The following PRRC2B variants were observed in gnomAD, a reference collection of about 807,000 sequenced individuals.
PRRC2B encodes the protein proline rich coiled-coil 2B.
A neutral mutation model predicts 242.3 loss-of-function variants in PRRC2B; 68 were observed. The ratio of observed to expected loss-of-function variants is 0.28; its 90% confidence interval spans 0.23 to 0.34. The LOEUF (loss-of-function observed/expected upper bound fraction) is 0.34. Among genes scored for constraint, PRRC2B ranks in the 10% least tolerant of loss-of-function variants. The pLI is 1.00. For missense variants in PRRC2B, 2,835 were observed against 2,954.8 expected (o/e 0.96, Z 0.94); for synonymous variants, 1,228 against 1,173.6 (o/e 1.05, Z -0.95).
At chr9:131,378,345 G>A (rs1836712520) in intron 1 of PRRC2B, among the ~76,000 whole-genome samples, 1 of 150,518 alleles carries the variant, frequency 6.6e-6, no homozygotes, top group Non-Finnish European at 1.5e-5. Context: ...TGGCAGGCCT[G>A]TGCTCACAAA....
At chr9:131,424,690 AAAG>A (rs1837935029) in intron 1 of PRRC2B, among the ~76,000 whole-genome samples, 1 of 152,120 alleles carries the variant, frequency 6.6e-6, no homozygotes, top group Non-Finnish European at 1.5e-5. Context: ...TGTCTCAAAA[AAAG>A]AAAAGAAAAG....
intron 1 of PRRC2B, among the ~76,000 whole-genome samples, chr9:131,404,055 AC>A (rs1837295742): frequency 6.6e-6 from 1 of 152,102 alleles, no homozygotes; most frequent in Non-Finnish European, 1.5e-5. Flanking sequence ...TGCTAGGATT[AC>A]AGGTGTAAGC....
chr9:131,398,890 A>T (rs570594372), intron 1 of PRRC2B, among the ~76,000 whole-genome samples: 2 of 152,274 alleles, frequency 1.3e-5, no homozygotes, highest in African/African-American at 2.4e-5. Flanking sequence ...AAGCAGGAGG[A>T]TCACTTGAGC....
rs927717052 is a variant in PRRC2B at position 131,481,746 on chromosome 9, G to T, written c.4921G>T (p.Ala1641Ser). Residue 1641 changes from alanine to serine, a missense_variant, in exon 20 of 32, where the codon GCC becomes TCC. Transcript: ENST00000683519. ...SSQALPVQAP[A>S]NDSWRKAVTA... ...GGCAGCTCTCCCTGTGCAGGCCCCA[G>T]CCAACGACTCCTGGAGGAAAGCTGT... is the stretch of plus-strand genomic sequence containing the variant. The T allele has an allele frequency of 3.2e-6, 5 of 1,565,320 alleles. No homozygotes were observed. In the African/African-American group the frequency reaches 6.8e-5, roughly 21 times the overall value.
At chr9:131,467,825 C>A (rs1943439522) in intron 13 of PRRC2B, 72 bp downstream of exon 13, 1 of 1,466,702 alleles carries the variant, frequency 6.8e-7, no homozygotes, top group Non-Finnish European at 9.4e-7. Flanking sequence ...CCCTCCTCGT[C>A]CCCATGCCCC....
chr9:131,420,480 T>TC (rs1837789934), intron 1 of PRRC2B, among the ~76,000 whole-genome samples: 1 of 14,696 alleles, frequency 6.8e-5, no homozygotes, highest in Admixed American at 6.1e-4. Context: ...TTTCTTTCTT[T>TC]CTTTCTTTCT....
intron 5 of PRRC2B, among the ~76,000 whole-genome samples, chr9:131,443,265 C>G (rs1334577057): frequency 6.6e-6 from 1 of 150,900 alleles, no homozygotes; most frequent in Non-Finnish European, 1.5e-5. Context: ...TCCCGAGTAG[C>G]TGGGACTACA....
At chr9:131,376,705 C>A (rs1167307000) in intron 1 of PRRC2B, among the ~76,000 whole-genome samples, 1 of 152,166 alleles carries the variant, frequency 6.6e-6, no homozygotes, top group Non-Finnish European at 1.5e-5. Flanking sequence ...CCACTTGGGA[C>A]TGCTGTGTGG....
chr9:131,426,448 T>C (rs544381517), intron 1 of PRRC2B, among the ~76,000 whole-genome samples: 2 of 152,066 alleles, frequency 1.3e-5, no homozygotes, highest in South Asian at 4.1e-4. Flanking sequence ...AGGATCTCGC[T>C]CTGCCCTCAA....
In PRRC2B at chr9:131,435,922, T is replaced by C. The variant is rs547042774; in HGVS notation, c.294-698T>C. Among the ~76,000 whole-genome samples the C allele has an allele frequency of 2.0e-5, 3 of 152,368 alleles. No individual in the cohort carries two copies. The East Asian group carries it at 5.8e-4, about 29-fold the overall frequency. ...TATTAACAGGTATAGAAAAGTCTGC[T>C]TGGAGTTTCTCTCTGGATGATGAGA... On this transcript the variant is annotated intron_variant, in intron 3 of 31. Transcript: ENST00000683519.
In PRRC2B at chr9:131,474,162, G is replaced by A. The variant is rs1047515707; in HGVS notation, c.2325-292G>A. ...TTGCCTGGCTCCTCTGTCTCCAGGG[G>A]GCACACCGTACCCAGCCTGCGGCCA... is the stretch of plus-strand genomic sequence containing the variant. On this transcript the variant is annotated intron_variant, in intron 15 of 31. Coordinates refer to ENST00000683519, the MANE Select transcript of PRRC2B (RefSeq NM_013318.4). 2.0e-5 allele frequency among the ~76,000 whole-genome samples: 3 copies of A among 152,192 alleles called. No individual in the cohort carries two copies. The East Asian group carries it at 5.8e-4, about 29-fold the overall frequency.
chr9:131,392,152 G>A (rs1055778575), upstream of PRRC2B, among the ~76,000 whole-genome samples: 7 of 150,638 alleles, frequency 4.6e-5, no homozygotes, highest in African/African-American at 1.7e-4. Flanking sequence ...AGGCTGGAGT[G>A]CAGTGGCATG....
chr9:131,485,061 G>A lies in PRRC2B; in HGVS notation c.5679G>A (p.Gly1893=). The A allele has an allele frequency of 1.9e-6, 3 of 1,609,462 alleles. No individual in the cohort carries two copies. The highest frequency in any genetic ancestry group is 2.5e-6 in the Non-Finnish European group (3 of 1,177,866). The part of the protein sequence containing the change: ...QPPSSVGASS[G]VNYSSFGGVS... ...CATCCTCTGTGGGTGCCTCCAGCGG[G>A]GTCAACTACAGCTCCTTCGGTGGAG... is the stretch of plus-strand genomic sequence containing the variant. Residue 1893 remains glycine, a synonymous_variant, in exon 25 of 32, where the codon GGG becomes GGA. Transcript: ENST00000683519.
chr9:131,441,416 C>T (rs530895734), intron 5 of PRRC2B, among the ~76,000 whole-genome samples: 101 of 151,768 alleles, frequency 6.7e-4, no homozygotes, highest in African/African-American at 2.4e-3. Context: ...TTAAACTGGA[C>T]GTGGTGGCAC....
chr9:131,407,301 G>A (rs192255690), intron 1 of PRRC2B, among the ~76,000 whole-genome samples: 15 of 152,170 alleles, frequency 9.9e-5, no homozygotes, highest in East Asian at 3.9e-4. Context: ...TTTTTTAGAC[G>A]CTTCGGGGAG....
intron 1 of PRRC2B, among the ~76,000 whole-genome samples, chr9:131,413,393 G>T (rs1348903215): frequency 6.6e-6 from 1 of 152,192 alleles, no homozygotes; most frequent in East Asian, 1.9e-4. Context: ...CCTTTGTTCG[G>T]TGGCAAAACT....
At position 131,487,274 on chromosome 9, in the gene PRRC2B, C is replaced by T. The variant is rs368857240; in HGVS notation, c.5964C>T (p.Phe1988=). ...CTGTGTCCCAGTCCCAGGAGATCTT[C>T]AGCTCCTTGCAGCCCTTCAGGTGAG... ...GLPVSQSQEI[F]SSLQPFRSQV... Residue 1988 remains phenylalanine, a synonymous_variant, in exon 27 of 32, where the codon TTC becomes TTT. Coordinates refer to ENST00000683519, the MANE Select transcript of PRRC2B (RefSeq NM_013318.4). The surrounding 1 kb of genome is among the most constrained non-coding windows in gnomAD (Gnocchi z 5.3). 7 of 1,610,386 alleles carry T rather than the reference C, an allele frequency of 4.3e-6. No homozygotes were observed. Among genetic ancestry groups the T allele is most frequent in the Non-Finnish European group, 5.9e-6 (7 of 1,178,004 alleles).
chr9:131,427,944 T>A (rs1838018215), intron 1 of PRRC2B, among the ~76,000 whole-genome samples: 1 of 152,222 alleles, frequency 6.6e-6, no homozygotes, highest in South Asian at 2.1e-4. Flanking sequence ...GTTGTTGAGA[T>A]GGAGTCTTGC....
rs530831514 is a variant in PRRC2B at position 131,434,735 on chromosome 9, G to C, written c.294-1885G>C. Among the ~76,000 whole-genome samples, 6 of 152,284 alleles carry C rather than the reference G, an allele frequency of 3.9e-5. No homozygotes were observed. In the East Asian group the frequency reaches 9.7e-4, roughly 25 times the overall value. On this transcript the variant is annotated intron_variant, in intron 3 of 31. Coordinates refer to ENST00000683519, the MANE Select transcript of PRRC2B (RefSeq NM_013318.4). Reference sequence around the variant, plus strand: ...ACTTGTATTGGAGGAGTTCCCACCAGGGGGGTGGCTGCCCTCCTTGAATCT... The same window carrying C: ...ACTTGTATTGGAGGAGTTCCCACCACGGGGGTGGCTGCCCTCCTTGAATCT...
Sources: gnomAD v4.1 joint callset for allele counts (sites outside exome capture counted in the v4.1 genomes callset) on GRCh38, gnomAD v4.1.1 for gene constraint, Gnocchi (gnomAD v3.1) non-coding constraint, MANE v1.5 for transcripts, NCBI Gene and HGNC (gene_info 2026-07-23, HGNC 2026-07-21) for gene names.